The following NR1I2 variants were observed in gnomAD, a reference collection of about 807,000 sequenced individuals.
The protein encoded by NR1I2 is orphan nuclear receptor PAR1.
NR1I2 carries 42 observed loss-of-function variants against 43.3 expected under a neutral mutation model. That is an observed-to-expected ratio of 0.97 (90% CI 0.76 to 1.26). The LOEUF is 1.26. NR1I2 is among the 50% of genes most tolerant of loss of function. The pLI, the probability that NR1I2 is intolerant of heterozygous loss-of-function variation, is 0.00. For synonymous variants in NR1I2, 229 were observed against 215.0 expected (o/e 1.06, Z -0.57); for missense variants, 559 against 566.7 (o/e 0.99, Z 0.14).
intron 1 of NR1I2, among the ~76,000 whole-genome samples, chr3:119,788,256 G>A (rs926421611): frequency 6.6e-6 from 1 of 151,976 alleles, no homozygotes; most frequent in Admixed American, 6.6e-5. Context: ...TGGGACTACA[G>A]GTGTGTGCCA....
At position 119,815,415 on chromosome 3, in the gene NR1I2, C is replaced by T; in HGVS notation, c.1030C>T (p.Gln344Ter). The T allele has an allele frequency of 2.5e-6, 4 of 1,612,728 alleles. No individual in the cohort carries two copies. The highest frequency in any genetic ancestry group is 2.2e-5 in the East Asian group (1 of 44,872). The change falls in exon 7 of 9, where the codon CAG becomes TAG. Residue 344 changes from glutamine to a stop codon, truncating the protein, a stop_gained. Coordinates refer to ENST00000393716, the MANE Select transcript of NR1I2 (RefSeq NM_003889.4). LOFTEE classifies it high-confidence loss of function. ...GCATGAGGAGGAGTATGTGCTGATGCAGGCCATCTCCCTCTTCTCCCCAGG... is the reference window on the plus strand; with the variant it reads ...GCATGAGGAGGAGTATGTGCTGATGTAGGCCATCTCCCTCTTCTCCCCAGG...
In NR1I2 at chr3:119,810,257, G is replaced by C. The variant is rs112813596; in HGVS notation, c.331+63G>C. 2.6e-6 allele frequency: 4 copies of C among 1,544,118 alleles called. No homozygotes were observed. In the African/African-American group the frequency reaches 5.5e-5, roughly 21 times the overall value. The stretch of plus-strand genomic sequence containing the variant: ...GCACGGCTCTGAGTAAGGACGTGCC[G>C]TGGGTGTGGGCATGCTTGTGTGGAG... On this transcript the variant is annotated intron_variant, in intron 3 of 8. Coordinates refer to ENST00000393716, the MANE Select transcript of NR1I2 (RefSeq NM_003889.4).
At chr3:119,812,281 C>A (rs1196937865) in intron 4 of NR1I2, among the ~76,000 whole-genome samples, 1 of 152,250 alleles carries the variant, frequency 6.6e-6, no homozygotes, top group East Asian at 1.9e-4. Context: ...CCCTTCACAG[C>A]CCAAATAACT....
chr3:119,782,430 C>G (rs1406295662), intron 1 of NR1I2, 130 bp downstream of exon 1: 1 of 310,618 alleles, frequency 3.2e-6, no homozygotes, highest in Admixed American at 4.1e-5. Flanking sequence ...ATCATGTTGG[C>G]CTTGCTGCTG....
At chr3:119,785,102 A>T (rs2054826841) in intron 1 of NR1I2, among the ~76,000 whole-genome samples, 1 of 152,216 alleles carries the variant, frequency 6.6e-6, no homozygotes, top group Admixed American at 6.5e-5. Context: ...GCCATTCAGC[A>T]TAATGCTGAG....
intron 1 of NR1I2, among the ~76,000 whole-genome samples, chr3:119,805,390 C>G (rs776806325): frequency 2.6e-5 from 4 of 151,948 alleles, no homozygotes; most frequent in African/African-American, 4.8e-5. Flanking sequence ...AGTGAGTTCC[C>G]CCAAAAAGGA....
intron 7 of NR1I2, 54 bp from the exon 8 acceptor site, chr3:119,815,672 G>A: frequency 6.8e-7 from 1 of 1,468,068 alleles, no homozygotes; most frequent in East Asian, 2.3e-5. Flanking sequence ...ACTCTGGGCT[G>A]GACTGAGCTT....
Position 119,817,064 on chromosome 3 carries a change from G to A in NR1I2, c.1161-4G>A. On this transcript the variant is annotated splice_region_variant and splice_polypyrimidine_tract_variant and intron_variant, in intron 8 of 8. Transcript: ENST00000393716. ...CCACAATCTTTTCTCTGGCTGGCAT[G>A]CAGGTTCTTGTTCCTGAAGATCATG... The A allele has an allele frequency of 6.2e-7, 1 of 1,614,164 alleles. No individual in the cohort carries two copies. The highest frequency in any genetic ancestry group is 8.5e-7 in the Non-Finnish European group (1 of 1,180,012).
chr3:119,804,532 C>A (rs1425406180), intron 1 of NR1I2, among the ~76,000 whole-genome samples: 2 of 150,374 alleles, frequency 1.3e-5, no homozygotes, highest in African/African-American at 4.9e-5. Context: ...GCAGCCTCCG[C>A]CTCCTGGGTT....
At chr3:119,789,110 G>T (rs1192772172) in intron 1 of NR1I2, among the ~76,000 whole-genome samples, 2 of 152,126 alleles carry the variant, frequency 1.3e-5, no homozygotes, top group African/African-American at 2.4e-5. Flanking sequence ...TTAAACGGGG[G>T]CACTTCTGAA....
At position 119,787,271 on chromosome 3, in the gene NR1I2, G is replaced by A. The variant is rs939033227; in HGVS notation, c.-23+4971G>A. On this transcript the variant is annotated intron_variant, in intron 1 of 8. Coordinates refer to ENST00000393716, the MANE Select transcript of NR1I2 (RefSeq NM_003889.4). The stretch of plus-strand genomic sequence containing the variant: ...CCATGGCACTTCAACCTAGGGGACA[G>A]AGTGAGACTGCCTCCAAAAAAAAAA... 1.1e-4 allele frequency among the ~76,000 whole-genome samples: 17 copies of A among 150,774 alleles called. No homozygotes were observed. The East Asian group carries it at 3.3e-3, about 29-fold the overall frequency.
chr3:119,797,202 G>GTGTGTGTGTGTGTT (rs1254277657), intron 1 of NR1I2, among the ~76,000 whole-genome samples: 1 of 150,934 alleles, frequency 6.6e-6, no homozygotes, highest in African/African-American at 2.5e-5. Context: ...GTGTGTGTGT[G>GTGTGTGTGTGTGTT]TGTGTGTGTG....
At chr3:119,788,489 G>A (rs986443378) in intron 1 of NR1I2, among the ~76,000 whole-genome samples, 5 of 152,078 alleles carry the variant, frequency 3.3e-5, no homozygotes, top group Non-Finnish European at 7.4e-5. Context: ...CCAGGCTGCA[G>A]TGCAGTGGGA....
At position 119,810,068 on chromosome 3, in the gene NR1I2, A is replaced by G; in HGVS notation, c.205A>G (p.Met69Val). 1 of 1,613,814 alleles carries G rather than the reference A, an allele frequency of 6.2e-7. No individual in the cohort carries two copies. The highest frequency in any genetic ancestry group is 8.5e-7 in the Non-Finnish European group (1 of 1,179,896). The change falls in exon 3 of 9, where the codon ATG becomes GTG. Residue 69 changes from methionine to valine, a missense_variant. By Grantham distance (21) the Met-to-Val change is conservative. This residue lies in a region of NR1I2 where 232 missense variants were observed against 236.6 expected (regional missense o/e 0.98). Transcript: ENST00000393716. ...CTCCCCATTCTCTCACAGGAGGGCC[A>G]TGAAACGCAACGCCCGGCTGAGGTG...
rs1293911194 is a variant in NR1I2, at chr3:119,795,372, T to C, written c.-22-11857T>C. On this transcript the variant is annotated intron_variant, in intron 1 of 8. Coordinates refer to ENST00000393716, the MANE Select transcript of NR1I2 (RefSeq NM_003889.4). Reference sequence around the variant, plus strand: ...GGCATTGTACTGTGAATTCCTTCAGTCTCCTGCTCTGCTCAGCCAGTCAGC... The same window carrying C: ...GGCATTGTACTGTGAATTCCTTCAGCCTCCTGCTCTGCTCAGCCAGTCAGC... Among the ~76,000 whole-genome samples, 7 of 152,146 alleles carry C rather than the reference T, an allele frequency of 4.6e-5. No individual in the cohort carries two copies. In the East Asian group the frequency reaches 1.3e-3, roughly 29 times the overall value.
intron 8 of NR1I2, among the ~76,000 whole-genome samples, 195 bp from the exon 9 acceptor site, chr3:119,816,873 G>C (rs1001195315): frequency 1.3e-5 from 2 of 151,828 alleles, no homozygotes; most frequent in African/African-American, 2.4e-5. Context: ...GGATGGGAGT[G>C]GGGAGAGTAT....
intron 6 of NR1I2, 97 bp downstream of exon 6, chr3:119,815,218 C>A (rs2107978462): frequency 6.3e-7 from 1 of 1,584,852 alleles, no homozygotes; most frequent in Non-Finnish European, 8.7e-7. Flanking sequence ...TCTGGGATGG[C>A]AGGGCAGGAA....
At chr3:119,805,547 A>G (rs2055145001) in intron 1 of NR1I2, among the ~76,000 whole-genome samples, 1 of 152,060 alleles carries the variant, frequency 6.6e-6, no homozygotes, top group South Asian at 2.1e-4. Context: ...TACTGAAAAT[A>G]CAAAAATTAG....
rs183795275 is a variant in NR1I2, at chr3:119,794,248, A to G, written c.-23+11948A>G. Among the ~76,000 whole-genome samples the G allele has an allele frequency of 4.5e-3, 676 of 151,646 alleles. 6 individuals are homozygous for G. Among genetic ancestry groups the G allele is most frequent in the Non-Finnish European group, 4.0e-3 (274 of 67,884 alleles). On this transcript the variant is annotated intron_variant, in intron 1 of 8. Transcript: ENST00000393716. ...AGTCTCACTCTGTTGCCCAGACTGG[A>G]GTTGTGTGAACATGGCTCACTGCAG...
Sources: gnomAD v4.1 joint callset for allele counts (sites outside exome capture counted in the v4.1 genomes callset) on GRCh38, gnomAD v4.1.1 for gene constraint, gnomAD v4.1.1 regional missense constraint, MANE v1.5 for transcripts, NCBI Gene and HGNC (gene_info 2026-07-23, HGNC 2026-07-21) for gene names.